The following LHFPL6 variants were observed in gnomAD, a reference collection of about 807,000 sequenced individuals.
The protein encoded by LHFPL6 is LHFPL tetraspan subfamily member 6.
LHFPL6 carries 9 observed loss-of-function variants against 20.6 expected under a neutral mutation model. That is an observed-to-expected ratio of 0.44 (90% CI 0.26 to 0.76). The LOEUF (loss-of-function observed/expected upper bound fraction) is 0.76, where lower values mean the gene tolerates loss of function less well. Among genes scored for constraint, LHFPL6 ranks in the 30% least tolerant of loss-of-function variants. LHFPL6 has a pLI of 0.20. For missense variants in LHFPL6, 218 were observed against 253.5 expected (o/e 0.86, Z 0.95); for synonymous variants, 105 against 98.7 (o/e 1.06, Z -0.38).
At chr13:39,395,827 G>A (rs753427173) in intron 2 of LHFPL6, among the ~76,000 whole-genome samples, 2 of 152,224 alleles carry the variant, frequency 1.3e-5, no homozygotes, top group Admixed American at 6.5e-5. Context: ...TCAGCCCTCA[G>A]TCTGTGGTAG....
intron 1 of LHFPL6, 94 bp downstream of exon 1, chr13:39,602,789 C>G (rs566339752): frequency 2.0e-5 from 3 of 152,402 alleles, no homozygotes; most frequent in African/African-American, 7.2e-5. Flanking sequence ...GTCCGGAGCC[C>G]GGGAGCAGCC....
chr13:39,544,344 T>C (rs150207552), intron 2 of LHFPL6, among the ~76,000 whole-genome samples: 10 of 152,344 alleles, frequency 6.6e-5, no homozygotes, highest in Admixed American at 6.5e-4. Context: ...ATTAGCTCAT[T>C]TGACACCTTT....
At chr13:39,593,221 G>C (rs995880055) in intron 2 of LHFPL6, among the ~76,000 whole-genome samples, 1 of 152,136 alleles carries the variant, frequency 6.6e-6, no homozygotes, top group Admixed American at 6.5e-5. Flanking sequence ...ATCTAGAAAA[G>C]CCCATTGTCT....
intron 2 of LHFPL6, among the ~76,000 whole-genome samples, chr13:39,524,418 T>C (rs1870221682): frequency 6.6e-6 from 1 of 152,056 alleles, no homozygotes; most frequent in Non-Finnish European, 1.5e-5. Context: ...TTTATACACC[T>C]TTCAAGATTA....
At position 39,378,616 on chromosome 13, in the gene LHFPL6, G is replaced by C. The variant is rs879132866; in HGVS notation, c.386-90C>G. On this transcript the variant is annotated intron_variant, in intron 2 of 3. Coordinates refer to ENST00000379589, the MANE Select transcript of LHFPL6 (RefSeq NM_005780.3). ...GGATCAATATTTAGCAATATAACAA[G>C]ACCATAGCGTCTGCTTTTTAGACAG... The C allele has an allele frequency of 1.2e-5, 11 of 939,334 alleles. No individual in the cohort carries two copies. The South Asian group carries it at 1.7e-4, about 14-fold the overall frequency. The allele number at this position is 939,334 out of a possible 1,614,324, so 58.2% of individuals were successfully genotyped here.
Position 39,545,245 on chromosome 13 carries a change from C to CAA in LHFPL6, c.385+55585_385+55586dup, listed in dbSNP as rs35606384. On this transcript the variant is annotated intron_variant, in intron 2 of 3. Transcript: ENST00000379589. The stretch of plus-strand genomic sequence containing the variant: ...TGGGTGACAGAGCGAGACTCCGTCT[C>CAA]AAAAAAAAAAAAAAAAAAAAAAGTG... Among the ~76,000 whole-genome samples, 663 of 67,158 alleles carry CAA rather than the reference C, an allele frequency of 9.9e-3. 12 individuals carry two copies. Among genetic ancestry groups the CAA allele is most frequent in the African/African-American group, 0.024 (331 of 13,910 alleles). 44.1% of individuals were successfully genotyped at this position (67,158 alleles called of 152,430 possible).
chr13:39,439,182 T>G lies in LHFPL6; in HGVS notation c.386-60656A>C, dbSNP rs9566434. 0.013 allele frequency among the ~76,000 whole-genome samples: 1,960 copies of G among 152,328 alleles called. 89 individuals carry two copies. The East Asian group carries it at 0.15, about 11-fold the overall frequency. On this transcript the variant is annotated intron_variant, in intron 2 of 3. Coordinates refer to ENST00000379589, the MANE Select transcript of LHFPL6 (RefSeq NM_005780.3). ...GCCCAAGGCTTTGGGAGCCCACCCATTGCACCAGTGTGCCCTGGATGTGAG... is the reference window on the plus strand; with the variant it reads ...GCCCAAGGCTTTGGGAGCCCACCCAGTGCACCAGTGTGCCCTGGATGTGAG...
At chr13:39,517,321 AAAG>A (rs1284792825) in intron 2 of LHFPL6, among the ~76,000 whole-genome samples, 1 of 152,212 alleles carries the variant, frequency 6.6e-6, no homozygotes, top group Non-Finnish European at 1.5e-5. Context: ...GGGAGAAAAG[AAAG>A]AAGGACAAAC....
intron 2 of LHFPL6, among the ~76,000 whole-genome samples, chr13:39,485,258 A>G (rs1297010380): frequency 6.6e-6 from 1 of 152,128 alleles, no homozygotes. Flanking sequence ...CAACATCACT[A>G]TTTTCCAACA....
At chr13:39,372,432 T>G (rs547849037) in intron 3 of LHFPL6, among the ~76,000 whole-genome samples, 1 of 152,344 alleles carries the variant, frequency 6.6e-6, no homozygotes, top group East Asian at 1.9e-4. Flanking sequence ...CACTGGATAC[T>G]TGTTTAAACC....
intron 2 of LHFPL6, among the ~76,000 whole-genome samples, chr13:39,574,374 C>T (rs7337716): frequency 0.87 from 132,226 of 151,286 alleles, 57,998 homozygotes; most frequent in African/African-American, 0.94. Context: ...CCCAGCTACT[C>T]AGGAGGCTGA....
At chr13:39,347,805 G>A (rs1426073974) in intron 3 of LHFPL6, among the ~76,000 whole-genome samples, 1 of 152,182 alleles carries the variant, frequency 6.6e-6, no homozygotes, top group African/African-American at 2.4e-5. Flanking sequence ...CAATCGTGTA[G>A]AACATTTCAA....
chr13:39,562,393 T>TATACAC (rs1453410529), intron 2 of LHFPL6, among the ~76,000 whole-genome samples: 41,656 of 87,328 alleles, frequency 0.48, 11,202 homozygotes, highest in South Asian at 0.56. Context: ...CATATACATA[T>TATACAC]ATATACATAT....
intron 2 of LHFPL6, among the ~76,000 whole-genome samples, chr13:39,428,388 AATAG>A (rs758004007): frequency 6.6e-6 from 1 of 152,198 alleles, no homozygotes; most frequent in Non-Finnish European, 1.5e-5. Context: ...TGATTTTTAA[AATAG>A]ATATAGAATT....
intron 2 of LHFPL6, among the ~76,000 whole-genome samples, chr13:39,399,508 A>C (rs1870928878): frequency 6.6e-6 from 1 of 152,202 alleles, no homozygotes; most frequent in Admixed American, 6.5e-5. Context: ...CTATGACAAC[A>C]CTTATGTAGG....
intron 2 of LHFPL6, among the ~76,000 whole-genome samples, chr13:39,517,978 A>T (rs147033906): frequency 2.2e-4 from 33 of 152,210 alleles, no homozygotes; most frequent in African/African-American, 7.7e-4. Context: ...TCTAGCTCAG[A>T]CTGCTGAAAT....
intron 2 of LHFPL6, among the ~76,000 whole-genome samples, chr13:39,562,491 CATATACATAT>C (rs1871541729): frequency 2.3e-5 from 3 of 128,706 alleles, no homozygotes; most frequent in Non-Finnish European, 4.9e-5. Flanking sequence ...CATATATACA[CATATACATAT>C]ATACATATAT....
chr13:39,356,395 C>A lies in LHFPL6; in HGVS notation c.485-12341G>T, dbSNP rs138042959. Among the ~76,000 whole-genome samples, 95 of 152,196 alleles carry A rather than the reference C, an allele frequency of 6.2e-4. 2 individuals carry two copies. In the East Asian group the frequency reaches 0.018, roughly 28 times the overall value. On this transcript the variant is annotated intron_variant, in intron 3 of 3. Coordinates refer to ENST00000379589, the MANE Select transcript of LHFPL6 (RefSeq NM_005780.3). ...GAAGTGTTGAGAGGACACTTTATAA[C>A]GCAAAATGCCTACATCAAGAAGTTA...
At chr13:39,367,955 C>T (rs947969862) in intron 3 of LHFPL6, among the ~76,000 whole-genome samples, 2 of 152,208 alleles carry the variant, frequency 1.3e-5, no homozygotes, top group African/African-American at 2.4e-5. Flanking sequence ...AATAACATCT[C>T]CACCTATCCA....
Sources: allele counts gnomAD v4.1 joint callset (sites outside exome capture counted in the v4.1 genomes callset), GRCh38; gene constraint gnomAD v4.1.1; transcripts MANE v1.5; gene names NCBI Gene and HGNC (gene_info 2026-07-23, HGNC 2026-07-21).